The following NRK variants were observed in gnomAD, a reference collection of about 807,000 sequenced individuals.
The protein encoded by NRK is Nik related kinase, also known as nik-related protein kinase.
NRK carries 67 observed loss-of-function variants against 125.2 expected under a neutral mutation model. That is an observed-to-expected ratio of 0.54 (90% CI 0.44 to 0.66). NRK has a LOEUF of 0.66. NRK is among the 30% of genes least tolerant of loss of function. The pLI is 0.00. For missense variants in NRK, 1,224 were observed against 1,192.9 expected (o/e 1.03, Z -0.38); for synonymous variants, 458 against 429.0 (o/e 1.07, Z -0.84).
At chrX:105,901,125 T>G (rs1360436311) in intron 9 of NRK, among the ~76,000 whole-genome samples, 2 of 110,751 alleles carry the variant, frequency 1.8e-5, no homozygotes, top group Non-Finnish European at 3.8e-5. Context: ...TCATTGAAAT[T>G]GAGCTAATGT....
At chrX:105,881,032 A>C (rs1423581361) in intron 3 of NRK, among the ~76,000 whole-genome samples, 1 of 111,689 alleles carries the variant, frequency 9.0e-6, no homozygotes, top group East Asian at 2.8e-4. Context: ...GAATTGCTGA[A>C]ACTGTTTAAA....
At chrX:105,839,893 T>G (rs1185595180) in intron 2 of NRK, among the ~76,000 whole-genome samples, 2 of 111,581 alleles carry the variant, frequency 1.8e-5, no homozygotes, top group Non-Finnish European at 3.8e-5. Context: ...TTTGTTCCTG[T>G]ATGTAGAAAG....
chrX:105,891,575 G>A (rs1324217881), intron 5 of NRK, among the ~76,000 whole-genome samples: 1 of 111,674 alleles, frequency 9.0e-6, no homozygotes, highest in Non-Finnish European at 1.9e-5. Flanking sequence ...TTTTCAACAA[G>A]GGGTGGAATT....
intron 22 of NRK, among the ~76,000 whole-genome samples, chrX:105,937,934 A>G (rs920274954): frequency 2.7e-5 from 3 of 111,721 alleles, no homozygotes; most frequent in Non-Finnish European, 3.8e-5. Flanking sequence ...AGGTGTTAGA[A>G]GCAACAAAGA....
In NRK at chrX:105,923,891, CTATATATA is replaced by C. The variant is rs1204761152; in HGVS notation, c.2975+437_2975+444del. Among the ~76,000 whole-genome samples, 73 of 47,853 alleles carry C rather than the reference CTATATATA, an allele frequency of 1.5e-3. 1 individual carries two copies. Among genetic ancestry groups the C allele is most frequent in the African/African-American group, 4.9e-3 (61 of 12,540 alleles). 41.6% of individuals were successfully genotyped at this position (47,853 alleles called of 115,157 possible). ...CATTTCTCAAACTTTTGTGATATCACTATATATATATATATATATATATATATATATAT... is the reference window on the plus strand; with the variant it reads ...CATTTCTCAAACTTTTGTGATATCACTATATATATATATATATATATATAT... On this transcript the variant is annotated intron_variant, in intron 18 of 28. Transcript: ENST00000243300.
intron 2 of NRK, among the ~76,000 whole-genome samples, chrX:105,870,061 A>C (rs1268784314): frequency 9.0e-6 from 1 of 111,700 alleles, no homozygotes; most frequent in East Asian, 2.8e-4. Context: ...AAAGGTATAC[A>C]ATCTACCATA....
intron 5 of NRK, among the ~76,000 whole-genome samples, chrX:105,893,210 C>T (rs1022828541): frequency 9.0e-6 from 1 of 111,636 alleles, no homozygotes; most frequent in African/African-American, 3.2e-5. Context: ...AATAGGTTTT[C>T]CTTAGTAGCA....
intron 15 of NRK, among the ~76,000 whole-genome samples, chrX:105,916,573 C>T (rs2040368606): frequency 9.0e-6 from 1 of 111,420 alleles, no homozygotes; most frequent in African/African-American, 3.2e-5. Context: ...TATATATTTT[C>T]TTGCTTCATT....
At chrX:105,900,166 A>ACG (rs2040139099) in intron 8 of NRK, among the ~76,000 whole-genome samples, 1 of 105,313 alleles carries the variant, frequency 9.5e-6, no homozygotes, top group Non-Finnish European at 2.0e-5. Context: ...ACACACACAC[A>ACG]CACACACACA....
chrX:105,909,609 A>G lies in NRK; in HGVS notation c.1968A>G (p.Ser656=). Residue 656 remains serine (S), a synonymous_variant, in exon 13 of 29, where the codon TCA becomes TCG. Transcript: ENST00000243300. Reference sequence around the variant, plus strand: ...TTCGGGCACCAAACTCAAATAACTCAAAGCCACTTGGTCCGTTGCAAACCC... The same window carrying G: ...TTCGGGCACCAAACTCAAATAACTCGAAGCCACTTGGTCCGTTGCAAACCC... ...DLLRAPNSNN[S]KPLGPLQTLM... The G allele has an allele frequency of 8.3e-7, 1 of 1,203,969 alleles. No individual in the cohort carries two copies. Among genetic ancestry groups the G allele is most frequent in the African/African-American group, 1.7e-5 (1 of 57,600 alleles).
In NRK at chrX:105,957,687, G is replaced by A. The variant is rs1353869053; in HGVS notation, c.*2087G>A. On this transcript the variant is annotated 3_prime_UTR_variant, in exon 29 of 29. Transcript: ENST00000243300. ...TAAGAGAGATTGTAAATGATAAACC[G>A]AGCTTTAAAGGATAAAGTGTTAATA... 2 of 111,617 alleles carry A rather than the reference G, an allele frequency of 1.8e-5. No homozygotes were observed. Among genetic ancestry groups the A allele is most frequent in the Non-Finnish European group, 1.9e-5 (1 of 53,133 alleles). 9.2% of individuals were successfully genotyped at this position (111,617 alleles called of 1,213,427 possible).
At chrX:105,948,867 C>T in intron 26 of NRK, 1 of 333,058 alleles carries the variant, frequency 3.0e-6, no homozygotes, top group Non-Finnish European at 5.1e-6. Flanking sequence ...GTGACAATAT[C>T]TGTAGTTTAA....
At position 105,865,863 on chromosome X, in the gene NRK, T is replaced by C. The variant is rs17285584; in HGVS notation, c.124-14336T>C. Among the ~76,000 whole-genome samples, 383 of 110,532 alleles carry C rather than the reference T, an allele frequency of 3.5e-3. 1 individual carries two copies. Among genetic ancestry groups the C allele is most frequent in the Non-Finnish European group, 6.0e-3 (319 of 52,908 alleles). ...TTTAGATTCTGCCAAGACAGCCATT[T>C]GTCGGTCAGCTCAGGGGAAAACCAG... On this transcript the variant is annotated intron_variant, in intron 2 of 28. Coordinates refer to ENST00000243300, the MANE Select transcript of NRK (RefSeq NM_198465.4).
intron 26 of NRK, chrX:105,948,466 A>T (rs1309497758): frequency 3.0e-6 from 1 of 329,084 alleles, no homozygotes; most frequent in African/African-American, 2.7e-5. Flanking sequence ...ATACAAGGGA[A>T]CCATGTGTGC....
At chrX:105,883,903 C>T (rs1353079031) in intron 4 of NRK, among the ~76,000 whole-genome samples, 1 of 112,769 alleles carries the variant, frequency 8.9e-6, no homozygotes, top group Non-Finnish European at 1.9e-5. Flanking sequence ...TAGTCTTATG[C>T]GGTGCCAGGT....
chrX:105,935,441 A>C (rs1178521660), intron 21 of NRK, 116 bp downstream of exon 21: 2 of 492,227 alleles, frequency 4.1e-6, no homozygotes, highest in African/African-American at 5.0e-5. Flanking sequence ...ATATATTTAT[A>C]GTAGTTAATT....
chrX:105,900,823 G>A (rs17003898), intron 9 of NRK, among the ~76,000 whole-genome samples, 151 bp downstream of exon 9: 1,752 of 112,260 alleles, frequency 0.016, 35 homozygotes, highest in African/African-American at 0.053. Context: ...GCCAAACTAC[G>A]AATGGTGGCC....
rs775855828 is a variant in NRK at position 105,915,714 on chromosome X, G to T, written c.2350-16G>T. ...TGATCAAGAATTCTACTGAAGTATTGCATTGTGTCTTTAAGGTTCAAGAGA... is the reference window on the plus strand; with the variant it reads ...TGATCAAGAATTCTACTGAAGTATTTCATTGTGTCTTTAAGGTTCAAGAGA... On this transcript the variant is annotated splice_polypyrimidine_tract_variant and intron_variant, in intron 14 of 28. Transcript: ENST00000243300. 2 of 1,008,762 alleles carry T rather than the reference G, an allele frequency of 2.0e-6. No homozygotes were observed. The highest frequency in any genetic ancestry group is 2.1e-5 in the South Asian group (1 of 47,836). 83.1% of individuals were successfully genotyped at this position (1,008,762 alleles called of 1,213,427 possible). A position where few individuals can be genotyped will look rare whatever the true frequency, so the allele number is the denominator to read the frequency against.
Position 105,889,871 on chromosome X carries a change from G to A in NRK, c.378+1452G>A, listed in dbSNP as rs547425969. Reference sequence around the variant, plus strand: ...ATTTTTTTTCCTCCTAGGCCTCTGGGCCTGTGATGGCAGGGGCTGCTGTGA... The same window carrying A: ...ATTTTTTTTCCTCCTAGGCCTCTGGACCTGTGATGGCAGGGGCTGCTGTGA... On this transcript the variant is annotated intron_variant, in intron 5 of 28. Coordinates refer to ENST00000243300, the MANE Select transcript of NRK (RefSeq NM_198465.4). 3.6e-5 allele frequency among the ~76,000 whole-genome samples: 4 copies of A among 112,102 alleles called. No homozygotes were observed. The South Asian group carries it at 1.5e-3, about 43-fold the overall frequency.
Sources: gnomAD v4.1 joint callset for allele counts (sites outside exome capture counted in the v4.1 genomes callset) on GRCh38, gnomAD v4.1.1 for gene constraint, MANE v1.5 for transcripts, NCBI Gene and HGNC (gene_info 2026-07-23, HGNC 2026-07-21) for gene names.